FHIT: variants seen among roughly 807,000 people sequenced by gnomAD.
FHIT encodes bis(5'-adenosyl)-triphosphatase.
Under a neutral mutation model 17.9 loss-of-function variants are expected in FHIT, and 19 were observed. The ratio of observed to expected loss-of-function variants is 1.06; its 90% CI spans 0.74 to 1.56. The LOEUF (loss-of-function observed/expected upper bound fraction) is 1.56. Ranked by LOEUF, FHIT falls within the 40% of genes most tolerant of loss-of-function variation. The pLI, the probability that FHIT is intolerant of heterozygous loss-of-function variation, is 0.00. For missense variants in FHIT, 248 were observed against 189.2 expected, an observed-to-expected ratio of 1.31 and a Z score of -1.82; for synonymous variants, 81 against 69.7, an observed-to-expected ratio of 1.16 and a Z score of -0.81.
intron 5 of FHIT, among the ~76,000 whole-genome samples, chr3:60,197,420 C>T (rs1053206155): frequency 6.6e-5 from 10 of 152,080 alleles, no homozygotes; most frequent in Non-Finnish European, 1.3e-4. Flanking sequence ...TATGGCAACT[C>T]AAAAATCTCA....
At chr3:60,300,552 G>A (rs535967289) in intron 5 of FHIT, among the ~76,000 whole-genome samples, 1 of 152,168 alleles carries the variant, frequency 6.6e-6, no homozygotes, top group African/African-American at 2.4e-5. Context: ...TGATATCACC[G>A]AGGTGCCCTT....
intron 8 of FHIT, among the ~76,000 whole-genome samples, chr3:59,891,216 C>G (rs9862817): frequency 3.9e-5 from 6 of 152,204 alleles, no homozygotes; most frequent in African/African-American, 7.2e-5. Flanking sequence ...CCAACTCTGG[C>G]GGGCAAAATA....
At chr3:60,914,908 C>A (rs1376787586) in intron 3 of FHIT, among the ~76,000 whole-genome samples, 1 of 152,114 alleles carries the variant, frequency 6.6e-6, no homozygotes, top group Non-Finnish European at 1.5e-5. Flanking sequence ...TGTTAAGTAG[C>A]CTTGTAAATT....
At chr3:60,962,820 A>C (rs1446345078) in intron 3 of FHIT, among the ~76,000 whole-genome samples, 3 of 152,052 alleles carry the variant, frequency 2.0e-5, no homozygotes, top group African/African-American at 7.2e-5. Flanking sequence ...GTCCTGCTGG[A>C]TTTGTTTTGC....
At chr3:61,032,004 T>C (rs888756923) in intron 3 of FHIT, among the ~76,000 whole-genome samples, 5 of 152,204 alleles carry the variant, frequency 3.3e-5, no homozygotes. Flanking sequence ...CTGGCATCAT[T>C]TTAAAGCATC....
At chr3:60,389,650 CT>C (rs1478312199) in intron 5 of FHIT, among the ~76,000 whole-genome samples, 1 of 152,184 alleles carries the variant, frequency 6.6e-6, no homozygotes, top group Non-Finnish European at 1.5e-5. Context: ...TTAATTACCC[CT>C]CAACATAAGT....
chr3:60,703,845 G>C (rs9861707), intron 4 of FHIT, among the ~76,000 whole-genome samples: 17,758 of 152,002 alleles, frequency 0.12, 2,299 homozygotes, highest in African/African-American at 0.32. Flanking sequence ...AGTGGTACAT[G>C]TTTAATAATT....
intron 5 of FHIT, among the ~76,000 whole-genome samples, chr3:60,222,567 G>C (rs1342988585): frequency 6.6e-6 from 1 of 152,028 alleles, no homozygotes; most frequent in Non-Finnish European, 1.5e-5. Context: ...GAGGCGGGTG[G>C]ATCACGAGGT....
chr3:59,792,993 C>T lies in FHIT; in HGVS notation c.349-40672G>A, dbSNP rs141312862. On this transcript the variant is annotated intron_variant, in intron 8 of 9. Coordinates refer to ENST00000492590, the MANE Select transcript of FHIT (RefSeq NM_002012.4). ...ACCCCACTGTACCTCCATCCGCCTGCACTGTGACTGCTTGTTTATTCCTTT... is the reference window on the plus strand; with the variant it reads ...ACCCCACTGTACCTCCATCCGCCTGTACTGTGACTGCTTGTTTATTCCTTT... Among the ~76,000 whole-genome samples the T allele has an allele frequency of 6.6e-5, 10 of 152,138 alleles. No homozygotes were observed. The East Asian group carries it at 1.7e-3, about 27-fold the overall frequency.
intron 5 of FHIT, among the ~76,000 whole-genome samples, chr3:60,138,878 G>C (rs1246588484): frequency 2.6e-5 from 4 of 152,034 alleles, no homozygotes; most frequent in Non-Finnish European, 5.9e-5. Flanking sequence ...TATGAACATG[G>C]ATCAGAAAGC....
At chr3:60,551,590 A>AGGGGAGGGGGAGGAGGGGAGG in intron 4 of FHIT, among the ~76,000 whole-genome samples, 1 of 65,136 alleles carries the variant, frequency 1.5e-5, no homozygotes, top group Non-Finnish European at 3.0e-5. Context: ...AGGGGAGGAG[A>AGGGGAGGGGGAGGAGGGGAGG]GAGGAGAGGA....
At chr3:60,508,465 T>A (rs1186929601) in intron 5 of FHIT, among the ~76,000 whole-genome samples, 1 of 152,172 alleles carries the variant, frequency 6.6e-6, no homozygotes, top group Non-Finnish European at 1.5e-5. Flanking sequence ...TATTACTGAA[T>A]AATGGTGTGA....
At chr3:60,952,095 G>A (rs1553777361) in intron 3 of FHIT, among the ~76,000 whole-genome samples, 2 of 151,874 alleles carry the variant, frequency 1.3e-5, no homozygotes, top group African/African-American at 4.8e-5. Context: ...AAACCTGGGA[G>A]GCAGAGGTTG....
At chr3:60,143,508 A>G (rs1576193267) in intron 5 of FHIT, among the ~76,000 whole-genome samples, 1 of 152,118 alleles carries the variant, frequency 6.6e-6, no homozygotes, top group Non-Finnish European at 1.5e-5. Context: ...AGAGCCATCC[A>G]CTGAGCCCAG....
rs114789248 is a variant in FHIT at position 60,682,568 on chromosome 3, T to C, written c.-18+139351A>G. ...TGTTTATAGTATGGTTTACTGAATATTTTAAGCCCTCTCTTGAGACCTATT... is the reference window on the plus strand; with the variant it reads ...TGTTTATAGTATGGTTTACTGAATACTTTAAGCCCTCTCTTGAGACCTATT... On this transcript the variant is annotated intron_variant, in intron 4 of 9. Coordinates refer to ENST00000492590, the MANE Select transcript of FHIT (RefSeq NM_002012.4). 3.7e-3 allele frequency among the ~76,000 whole-genome samples: 570 copies of C among 152,306 alleles called. 2 individuals carry two copies. Among genetic ancestry groups the C allele is most frequent in the Non-Finnish European group, 6.0e-3 (408 of 68,034 alleles).
chr3:60,057,587 T>G (rs915695385), intron 5 of FHIT, among the ~76,000 whole-genome samples: 1 of 152,124 alleles, frequency 6.6e-6, no homozygotes, highest in Non-Finnish European at 1.5e-5. Flanking sequence ...ATCCCATAGA[T>G]AGTTTTTTGG....
At chr3:60,252,446 C>T (rs1705761045) in intron 5 of FHIT, among the ~76,000 whole-genome samples, 1 of 151,922 alleles carries the variant, frequency 6.6e-6, no homozygotes, top group African/African-American at 2.4e-5. Context: ...TGCCTGTAGT[C>T]CCAGCTACTA....
intron 3 of FHIT, among the ~76,000 whole-genome samples, chr3:60,969,180 T>TA (rs1236360232): frequency 6.6e-6 from 1 of 152,164 alleles, no homozygotes; most frequent in Non-Finnish European, 1.5e-5. Flanking sequence ...GGAAGATTTC[T>TA]AATTATGAAG....
chr3:60,744,764 T>C (rs1438408460), intron 4 of FHIT, among the ~76,000 whole-genome samples: 5 of 152,206 alleles, frequency 3.3e-5, no homozygotes, highest in Admixed American at 6.5e-5. Flanking sequence ...TAGAGATTCA[T>C]CTGGAATTCT....
Sources: gnomAD v4.1 joint callset for allele counts (sites outside exome capture counted in the v4.1 genomes callset) on GRCh38, gnomAD v4.1.1 for gene constraint, MANE v1.5 for transcripts, NCBI Gene and HGNC (gene_info 2026-07-23, HGNC 2026-07-21) for gene names.